The following GJC3 variants were observed in gnomAD, a reference collection of about 807,000 sequenced individuals.
The protein encoded by GJC3 is gap junction protein gamma 3.
Under a neutral mutation model 19.8 loss-of-function variants are expected in GJC3, and 17 were observed. The observed-to-expected ratio is 0.86, with a 90% CI of 0.59 to 1.29. The LOEUF is 1.29. GJC3 is among the 50% of genes most tolerant of loss of function. The probability of loss-of-function intolerance (pLI) is 0.00; values close to 1 mark genes in which losing one functional copy is unlikely to be tolerated. For synonymous variants in GJC3, 140 were observed against 136.5 expected (o/e 1.03, Z -0.18); for missense variants, 317 against 332.5 (o/e 0.95, Z 0.36).
chr7:99,926,460 C>CA (rs1819801897), intron 1 of GJC3, among the ~76,000 whole-genome samples: 1 of 151,892 alleles, frequency 6.6e-6, no homozygotes, highest in Admixed American at 6.6e-5. Flanking sequence ...TCTCCTTAAA[C>CA]AAAATGTGGT....
At chr7:99,924,303 T>C (rs978542378) in intron 1 of GJC3, among the ~76,000 whole-genome samples, 14 of 151,874 alleles carry the variant, frequency 9.2e-5, no homozygotes, top group African/African-American at 2.2e-4. Flanking sequence ...AAAAAGGGAG[T>C]AGTTGGTGGG....
chr7:99,929,193 G>T lies in GJC3; in HGVS notation c.428C>A (p.Ala143Asp). 6.2e-7 allele frequency: 1 copy of T among 1,613,976 alleles called. No individual in the cohort carries two copies. Among genetic ancestry groups the T allele is most frequent in the Non-Finnish European group, 8.5e-7 (1 of 1,179,908 alleles). ...GGCTGCCCCCTCCAGGACAAGCCGA[G>T]CCCCCAGCTGAGCCACATAAGCCCA... The part of the protein sequence containing the change: ...LLWAYVAQLG[A>D]RLVLEGAALG... Residue 143 changes from alanine to aspartate, a missense_variant, in exon 1 of 2, where the codon GCT (alanine) becomes GAT (aspartate). Coordinates refer to ENST00000312891, the MANE Select transcript of GJC3 (RefSeq NM_181538.3).
rs777830964 is a variant in GJC3 at position 99,929,491 on chromosome 7, A to G, written c.130T>C (p.Tyr44His). 5.0e-6 allele frequency: 8 copies of G among 1,614,124 alleles called. No individual in the cohort carries two copies. The highest frequency in any genetic ancestry group is 1.1e-5 in the South Asian group (1 of 91,070). ...VLLAASGPGV[Y>H]GDEQSEFVCH... Reference sequence around the variant, plus strand: ...ACGAATTCACTCTGCTCATCACCATAGACTCCAGGCCCACTGGCAGCCAGC... The same window carrying G: ...ACGAATTCACTCTGCTCATCACCATGGACTCCAGGCCCACTGGCAGCCAGC... The change falls in exon 1 of 2, where the codon TAT becomes CAT. Residue 44 changes from tyrosine to histidine, a missense_variant. By Grantham distance (83) the Tyr-to-His change is moderately conservative. Transcript: ENST00000312891.
At chr7:99,926,868 C>T (rs917632753) in intron 1 of GJC3, among the ~76,000 whole-genome samples, 6 of 152,038 alleles carry the variant, frequency 3.9e-5, no homozygotes, top group African/African-American at 1.2e-4. Context: ...GGACAAAACT[C>T]CTAGCAAAGC....
In GJC3 at chr7:99,929,071, G is replaced by C. The variant is rs763838138; in HGVS notation, c.550C>G (p.Arg184Gly). The change falls in exon 1 of 2, where the codon CGC becomes GGC. Residue 184 changes from arginine to glycine, a missense_variant. Physicochemically the swap from Arg to Gly is moderately radical, Grantham distance 125. Transcript: ENST00000312891. ...CLGSITCNLS[R>G]PSEKTIFLKT... The stretch of plus-strand genomic sequence containing the variant: ...AGGAAAATGGTCTTCTCAGAGGGGC[G>C]GGACAGATTGCAGGTTATACTACCA... The C allele has an allele frequency of 1.2e-5, 19 of 1,613,894 alleles. No homozygotes were observed. Among genetic ancestry groups the C allele is most frequent in the African/African-American group, 2.7e-5 (2 of 74,916 alleles).
In GJC3 at chr7:99,928,889, T is replaced by A. The variant is rs1184209930; in HGVS notation, c.732A>T (p.Ala244=). 1.2e-6 allele frequency: 2 copies of A among 1,614,188 alleles called. No individual in the cohort carries two copies. The highest frequency in any genetic ancestry group is 3.3e-5 in the Admixed American group (2 of 60,020). The part of the protein sequence containing the change: ...TSESTRRHKK[A]TDSLPVVETK... ...TTTCCACCACTGGGAGGCTATCGGT[T>A]GCTTTCTTGTGTCTTCTGGTGCTCT... Residue 244 remains alanine (A), a synonymous_variant, in exon 1 of 2, where the codon GCA becomes GCT. Transcript: ENST00000312891.
chr7:99,928,373 T>A (rs1584283576), intron 1 of GJC3, among the ~76,000 whole-genome samples: 1 of 152,212 alleles, frequency 6.6e-6, no homozygotes, highest in Non-Finnish European at 1.5e-5. Flanking sequence ...TTAGACTACA[T>A]GGCCCAAGGG....
chr7:99,930,095 G>C (rs747712415), upstream of GJC3, among the ~76,000 whole-genome samples: 4 of 152,238 alleles, frequency 2.6e-5, no homozygotes, highest in African/African-American at 7.2e-5. Flanking sequence ...TGCTGAGAGG[G>C]AATGTGCATT....
chr7:99,925,108 T>A (rs907454147), intron 1 of GJC3, among the ~76,000 whole-genome samples: 1 of 152,166 alleles, frequency 6.6e-6, no homozygotes, highest in Non-Finnish European at 1.5e-5. Context: ...ACAGGGTGAT[T>A]ACAGTCAAAA....
At chr7:99,924,267 G>A (rs190219032) in intron 1 of GJC3, among the ~76,000 whole-genome samples, 474 of 152,246 alleles carry the variant, frequency 3.1e-3, no homozygotes, top group Non-Finnish European at 5.7e-3. Flanking sequence ...TGTTTAGTGG[G>A]AAGTCACTAT....
intron 1 of GJC3, among the ~76,000 whole-genome samples, chr7:99,927,601 G>T (rs1819829412): frequency 6.6e-6 from 1 of 151,626 alleles, no homozygotes; most frequent in Non-Finnish European, 1.5e-5. Flanking sequence ...AGAATTTCAG[G>T]GCAAGAGAAA....
intron 1 of GJC3, among the ~76,000 whole-genome samples, chr7:99,924,157 A>G (rs1315908470): frequency 2.6e-5 from 4 of 152,224 alleles, no homozygotes; most frequent in Admixed American, 6.5e-5. Context: ...TGCTGTCAAC[A>G]TTGCTCATCA....
upstream of GJC3, chr7:99,929,712 A>G (rs1819869712): frequency 1.6e-6 from 2 of 1,270,316 alleles, no homozygotes; most frequent in Admixed American, 2.0e-5. Flanking sequence ...TCCAAGGATC[A>G]CTGAAGGCAA....
In GJC3 at chr7:99,924,945, A is replaced by G. The variant is rs2527905; in HGVS notation, c.782-1342T>C. 4.6e-5 allele frequency among the ~76,000 whole-genome samples: 7 copies of G among 152,198 alleles called. No individual in the cohort carries two copies. The East Asian group carries it at 1.3e-3, about 29-fold the overall frequency. On this transcript the variant is annotated intron_variant, in intron 1 of 1. Coordinates refer to ENST00000312891, the MANE Select transcript of GJC3 (RefSeq NM_181538.3). ...GTCAATCATTCTCATTTCTCTAATG[A>G]TAAATGATGTTAAACATCTTTTCAT...
chr7:99,927,956 G>A (rs1365652802), intron 1 of GJC3, among the ~76,000 whole-genome samples: 1 of 152,222 alleles, frequency 6.6e-6, no homozygotes, highest in Non-Finnish European at 1.5e-5. Flanking sequence ...GTGATCAAGG[G>A]GGCCTAAGCC....
intron 1 of GJC3, among the ~76,000 whole-genome samples, chr7:99,926,139 G>A (rs1180629421): frequency 6.6e-6 from 1 of 152,170 alleles, no homozygotes; most frequent in African/African-American, 2.4e-5. Flanking sequence ...TTTGAGACCA[G>A]CCTGGCCAAC....
chr7:99,929,508 G>T lies in GJC3; in HGVS notation c.113C>A (p.Ala38Asp). The T allele has an allele frequency of 6.2e-7, 1 of 1,614,130 alleles. No homozygotes were observed. The highest frequency in any genetic ancestry group is 1.1e-5 in the South Asian group (1 of 91,068). Residue 38 changes from alanine (A) to aspartate (D), a missense_variant, in exon 1 of 2, where the codon GCC becomes GAC. Physicochemically the swap from Ala to Asp is moderately radical, Grantham distance 126. Coordinates refer to ENST00000312891, the MANE Select transcript of GJC3 (RefSeq NM_181538.3). ...LLGFRLVLLAASGPGVYGDEQ... is the reference protein window; with the variant it reads ...LLGFRLVLLADSGPGVYGDEQ... ...ATCACCATAGACTCCAGGCCCACTG[G>T]CAGCCAGCAGCACAAGGCGGAATCC...
chr7:99,930,361 G>A (rs1320309929), upstream of GJC3, among the ~76,000 whole-genome samples: 1 of 152,100 alleles, frequency 6.6e-6, no homozygotes, highest in African/African-American at 2.4e-5. Flanking sequence ...ATAGGATTTG[G>A]GGCCAGAGCC....
chr7:99,923,600 G>C lies in GJC3; in HGVS notation c.785C>G (p.Pro262Arg). The C allele has an allele frequency of 1.3e-6, 1 of 780,988 alleles. No homozygotes were observed. Among genetic ancestry groups the C allele is most frequent in the Non-Finnish European group, 2.4e-6 (1 of 418,108 alleles). The allele number at this position is 780,988 out of a possible 1,614,324, so 48.4% of individuals were successfully genotyped here. A position where few individuals can be genotyped will look rare whatever the true frequency, so the allele number is the denominator to read the frequency against. ...TTTTTCCTGGGCTAAGCTTCTTCCT[G>C]GAACTTTTTAAAACAAAAATTCAAG... ...ETKEQFQEAV[P>R]GRSLAQEKQR... The change falls in exon 2 of 2, where the codon CCA (proline) becomes CGA (arginine). Residue 262 changes from proline (P) to arginine (R), a missense_variant. Physicochemically the swap from Pro to Arg is moderately radical, Grantham distance 103 (BLOSUM62 -2). Transcript: ENST00000312891.
Sources: allele counts gnomAD v4.1 joint callset (sites outside exome capture counted in the v4.1 genomes callset), GRCh38; gene constraint gnomAD v4.1.1; transcripts MANE v1.5; gene names NCBI Gene and HGNC (gene_info 2026-07-23, HGNC 2026-07-21).